Variants in SHROOM2 observed in about 807,000 individuals in gnomAD.
SHROOM2 encodes the protein shroom family member 2.
Under a neutral mutation model 75.9 loss-of-function variants are expected in SHROOM2, and 33 were observed. The observed-to-expected ratio is 0.43, with a 90% confidence interval of 0.33 to 0.58. The LOEUF is 0.58. Ranked by LOEUF, SHROOM2 falls within the 20% of genes least tolerant of loss-of-function variation. SHROOM2 has a pLI of 0.04. For synonymous variants in SHROOM2, 655 were observed against 663.6 expected, an observed-to-expected ratio of 0.99 and a Z score of 0.20; for missense variants, 1,434 against 1,461.2, an observed-to-expected ratio of 0.98 and a Z score of 0.30.
At chrX:9,933,073 T>A (rs2084667430) in intron 6 of SHROOM2, among the ~76,000 whole-genome samples, 1 of 111,260 alleles carries the variant, frequency 9.0e-6, no homozygotes, top group Non-Finnish European at 1.9e-5. Flanking sequence ...GGGGCTGCTG[T>A]TTCCTGCAGG....
rs1251890635 is a variant in SHROOM2, at chrX:9,947,392, T to C, written c.*455T>C. ...CATCCAGGCATGGGCTGCCAGGTTT[T>C]GTCCCTGCTCGTTCAACAGTGTGAG... On this transcript the variant is annotated 3_prime_UTR_variant, in exon 10 of 10. Transcript: ENST00000380913. The C allele has an allele frequency of 7.7e-6, 1 of 129,403 alleles. No homozygotes were observed. Among genetic ancestry groups the C allele is most frequent in the East Asian group, 2.3e-4 (1 of 4,313 alleles). 10.7% of individuals were successfully genotyped at this position (129,403 alleles called of 1,213,427 possible). A position where few individuals can be genotyped will look rare whatever the true frequency, so the allele number is the denominator to read the frequency against.
intron 2 of SHROOM2, among the ~76,000 whole-genome samples, chrX:9,884,368 C>CTTCTTTTTTTT (rs1372366663): frequency 1.8e-4 from 11 of 62,293 alleles, no homozygotes; most frequent in African/African-American, 4.6e-4. Context: ...TTTTTCTTTT[C>CTTCTTTTTTTT]TTTTTTTTTT....
At chrX:9,933,089 G>C (rs977309355) in intron 6 of SHROOM2, among the ~76,000 whole-genome samples, 1 of 111,421 alleles carries the variant, frequency 9.0e-6, no homozygotes, top group African/African-American at 3.3e-5. Context: ...GCAGGGAACA[G>C]GGGTAGATGT....
At chrX:9,801,268 C>T (rs1459944900) in intron 1 of SHROOM2, among the ~76,000 whole-genome samples, 1 of 112,238 alleles carries the variant, frequency 8.9e-6, no homozygotes, top group Admixed American at 9.4e-5. Flanking sequence ...TATCTCCCAC[C>T]AGGTCCCTCC....
At chrX:9,862,099 A>G (rs1468224770) in intron 1 of SHROOM2, among the ~76,000 whole-genome samples, 1 of 112,287 alleles carries the variant, frequency 8.9e-6, no homozygotes, top group African/African-American at 3.2e-5. Flanking sequence ...GATCGTGTAC[A>G]TGCAAAGCTC....
Position 9,806,510 on chromosome X carries a change from A to G in SHROOM2, c.165+19800A>G, listed in dbSNP as rs778392972. Among the ~76,000 whole-genome samples, 34 of 94,863 alleles carry G rather than the reference A, an allele frequency of 3.6e-4. No individual in the cohort carries two copies. The South Asian group carries it at 4.6e-3, about 13-fold the overall frequency. The allele number at this position is 94,863 out of a possible 115,157, so 82.4% of individuals were successfully genotyped here. A position where few individuals can be genotyped will look rare whatever the true frequency, so the allele number is the denominator to read the frequency against. The stretch of plus-strand genomic sequence containing the variant: ...TATATGTGTATATATATGTGTGTGT[A>G]TATATATATATATCTGTCTCCTTGT... On this transcript the variant is annotated intron_variant, in intron 1 of 9. Coordinates refer to ENST00000380913, the MANE Select transcript of SHROOM2 (RefSeq NM_001649.4).
chrX:9,845,111 T>C (rs1047963463), intron 1 of SHROOM2, among the ~76,000 whole-genome samples: 5 of 112,204 alleles, frequency 4.5e-5, no homozygotes, highest in African/African-American at 1.6e-4. Context: ...CCACAGCCAG[T>C]GTATACATGA....
chrX:9,936,815 G>A (rs187630896), intron 6 of SHROOM2, among the ~76,000 whole-genome samples: 7 of 112,416 alleles, frequency 6.2e-5, no homozygotes, highest in African/African-American at 1.6e-4. Context: ...TATCATCTGC[G>A]GAATGACAAA....
chrX:9,826,424 A>G (rs1399808577), intron 1 of SHROOM2, among the ~76,000 whole-genome samples: 1 of 110,435 alleles, frequency 9.1e-6, no homozygotes, highest in African/African-American at 3.3e-5. Flanking sequence ...TTTTTTTTTA[A>G]TCTCTATTTC....
At chrX:9,855,073 A>T (rs763393531) in intron 1 of SHROOM2, among the ~76,000 whole-genome samples, 1,418 of 87,646 alleles carry the variant, frequency 0.016, 21 homozygotes, top group African/African-American at 0.06. Context: ...CACTCTTTTT[A>T]AAAAAAAAAA....
chrX:9,812,663 T>C (rs1370223043), intron 1 of SHROOM2, among the ~76,000 whole-genome samples: 1 of 112,197 alleles, frequency 8.9e-6, no homozygotes, highest in Non-Finnish European at 1.9e-5. Context: ...TGGATCCAAT[T>C]GGTATAATAT....
intron 3 of SHROOM2, 35 bp downstream of exon 3, chrX:9,891,143 G>C: frequency 2.5e-6 from 3 of 1,187,673 alleles, no homozygotes; most frequent in Non-Finnish European, 3.4e-6. Flanking sequence ...TGCCAGGTTT[G>C]TTCAGCCTTC....
At chrX:9,871,203 G>A (rs1299510742) in intron 1 of SHROOM2, among the ~76,000 whole-genome samples, 1 of 111,801 alleles carries the variant, frequency 8.9e-6, no homozygotes, top group Non-Finnish European at 1.9e-5. Flanking sequence ...TGGTTCAGGG[G>A]GCAATAGAAA....
Position 9,895,306 on chromosome X carries a change from T to C in SHROOM2, c.1398T>C (p.Cys466=). 1 of 1,175,123 alleles carries C rather than the reference T, an allele frequency of 8.5e-7. No homozygotes were observed. Among genetic ancestry groups the C allele is most frequent in the Non-Finnish European group, 1.1e-6 (1 of 877,528 alleles). The change falls in exon 4 of 10, where the codon TGT becomes TGC. Residue 466 remains cysteine (C), a synonymous_variant. Transcript: ENST00000380913. ...SPPQVRGLSS[C]DQKLGSGWQG... Reference sequence around the variant, plus strand: ...CTCAGGTGAGGGGGCTCAGCAGCTGTGACCAGAAGCTGGGGAGCGGCTGGC... The same window carrying C: ...CTCAGGTGAGGGGGCTCAGCAGCTGCGACCAGAAGCTGGGGAGCGGCTGGC...
chrX:9,922,982 C>G (rs1796670074), intron 5 of SHROOM2, among the ~76,000 whole-genome samples: 1 of 111,425 alleles, frequency 9.0e-6, no homozygotes, highest in Non-Finnish European at 1.9e-5. Flanking sequence ...AACTCCTGGT[C>G]TAGAAGGTAA....
intron 1 of SHROOM2, among the ~76,000 whole-genome samples, chrX:9,835,015 T>C: frequency 8.8e-6 from 1 of 113,080 alleles, no homozygotes. Context: ...GGGGAGTCCC[T>C]GTTCATCCTC....
intron 5 of SHROOM2, among the ~76,000 whole-genome samples, chrX:9,930,303 T>C (rs2084635616): frequency 9.0e-6 from 1 of 110,640 alleles, no homozygotes; most frequent in African/African-American, 3.3e-5. Context: ...ATCCCTTGAG[T>C]CCAGGAGTTT....
chrX:9,945,324 T>G (rs1004785758), intron 9 of SHROOM2, among the ~76,000 whole-genome samples: 7 of 110,468 alleles, frequency 6.3e-5, no homozygotes, highest in Non-Finnish European at 5.7e-5. Flanking sequence ...TTGGCCAGGC[T>G]GGTCTGGAAC....
chrX:9,805,745 A>G lies in SHROOM2; in HGVS notation c.165+19035A>G, dbSNP rs1601915405. The stretch of plus-strand genomic sequence containing the variant: ...TTCCTGCTGCTGCTAAAAGGAAACC[A>G]ATTAATGGGAGAAGACTTGAGTTGG... On this transcript the variant is annotated intron_variant, in intron 1 of 9. Transcript: ENST00000380913. 4.5e-5 allele frequency among the ~76,000 whole-genome samples: 5 copies of G among 110,654 alleles called. 1 individual carries two copies. The Admixed American group carries it at 4.8e-4, about 11-fold the overall frequency.
Sources: gnomAD v4.1 joint callset for allele counts (sites outside exome capture counted in the v4.1 genomes callset) on GRCh38, gnomAD v4.1.1 for gene constraint, MANE v1.5 for transcripts, NCBI Gene and HGNC (gene_info 2026-07-23, HGNC 2026-07-21) for gene names.